Variants in BANP observed in about 807,000 individuals in gnomAD.
BANP encodes the protein BTG3 associated nuclear protein.
BANP carries 11 observed loss-of-function variants against 68.1 expected under a neutral mutation model. The ratio of observed to expected loss-of-function variants is 0.16; its 90% CI spans 0.10 to 0.27. The LOEUF is 0.27. Among genes scored for constraint, BANP ranks in the 10% least tolerant of loss-of-function variants. The pLI is 1.00. For missense variants in BANP, 504 were observed against 722.7 expected (o/e 0.70, Z 3.47); for synonymous variants, 329 against 303.2 (o/e 1.09, Z -0.88).
At chr16:88,031,657 A>C (rs146382794) in intron 8 of BANP, among the ~76,000 whole-genome samples, 2,005 of 152,014 alleles carry the variant, frequency 0.013, 43 homozygotes, top group African/African-American at 0.042. Flanking sequence ...TCAAAAAAAA[A>C]AAAAAAGAAA....
chr16:88,026,200 C>T (rs529111073), intron 7 of BANP, among the ~76,000 whole-genome samples: 6 of 152,300 alleles, frequency 3.9e-5, no homozygotes, highest in African/African-American at 1.2e-4. Flanking sequence ...GCACGGTGAG[C>T]CCCAGGAAGA....
chr16:88,007,912 C>T (rs893640228), intron 6 of BANP, among the ~76,000 whole-genome samples: 5 of 151,902 alleles, frequency 3.3e-5, no homozygotes, highest in Admixed American at 3.3e-4. Flanking sequence ...TGTTTTAAAG[C>T]ATACGTCTCA....
chr16:87,952,712 C>T (rs2057210718), intron 1 of BANP: 1 of 152,186 alleles, frequency 6.6e-6, no homozygotes, highest in Admixed American at 6.5e-5. Context: ...GTCCACTTCC[C>T]GTGTCTGGCG....
At chr16:88,066,174 A>G (rs551581141) in intron 12 of BANP, among the ~76,000 whole-genome samples, 1 of 152,138 alleles carries the variant, frequency 6.6e-6, no homozygotes, top group Admixed American at 6.5e-5. Flanking sequence ...GCCTTTCCTC[A>G]TGAAGGGGTC....
Position 88,015,007 on chromosome 16 carries a change from G to A in BANP, c.656-3421G>A, listed in dbSNP as rs148899294. The stretch of plus-strand genomic sequence containing the variant: ...AATCAGCTGCTTGCCCTCTCTGCCC[G>A]TCCCTCTGCCTGTGCCCCCTCAGCT... On this transcript the variant is annotated intron_variant, in intron 6 of 13. Transcript: ENST00000682872. Among the ~76,000 whole-genome samples the A allele has an allele frequency of 1.7e-3, 256 of 151,470 alleles. 2 individuals carry two copies. The highest frequency in any genetic ancestry group is 5.8e-3 in the African/African-American group (240 of 41,216).
chr16:88,067,060 G>A (rs953389985), intron 12 of BANP, among the ~76,000 whole-genome samples: 1 of 152,184 alleles, frequency 6.6e-6, no homozygotes, highest in African/African-American at 2.4e-5. Context: ...ATGCACACTC[G>A]CTCTCTTTTT....
intron 4 of BANP, among the ~76,000 whole-genome samples, chr16:87,998,246 A>T (rs1038979229): frequency 3.9e-5 from 6 of 152,218 alleles, no homozygotes; most frequent in Admixed American, 3.9e-4. Flanking sequence ...ACTAAAGCAT[A>T]GTAAGGACGT....
In BANP at chr16:88,024,374, C is replaced by T. The variant is rs1305496915; in HGVS notation, c.896-3109C>T. Among the ~76,000 whole-genome samples the T allele has an allele frequency of 3.9e-5, 6 of 152,160 alleles. No homozygotes were observed. The South Asian group carries it at 1.2e-3, about 32-fold the overall frequency. ...CCAAAGTGATGAGAGTAGTGACATT[C>T]CTACTTCATGAGGCTTTTAAAAAAA... is the stretch of plus-strand genomic sequence containing the variant. On this transcript the variant is annotated intron_variant, in intron 7 of 13. Transcript: ENST00000682872.
intron 2 of BANP, among the ~76,000 whole-genome samples, chr16:87,977,897 G>A (rs376718830): frequency 8.5e-5 from 13 of 152,068 alleles, no homozygotes; most frequent in African/African-American, 2.4e-4. Flanking sequence ...GTGCAGTGGC[G>A]TGATCTCAGC....
intron 1 of BANP, among the ~76,000 whole-genome samples, chr16:87,971,063 A>G (rs1405530730): frequency 6.6e-6 from 1 of 151,746 alleles, no homozygotes; most frequent in Admixed American, 6.6e-5. Context: ...CACTGAATGA[A>G]CATTGTAACA....
intron 6 of BANP, among the ~76,000 whole-genome samples, chr16:88,010,383 TGC>T (rs1223664368): frequency 2.0e-5 from 3 of 152,250 alleles, no homozygotes; most frequent in Non-Finnish European, 4.4e-5. Context: ...ATTGAATTAT[TGC>T]CAGGAATTGG....
chr16:88,023,108 G>T (rs1390473551), intron 7 of BANP, among the ~76,000 whole-genome samples: 1 of 152,210 alleles, frequency 6.6e-6, no homozygotes, highest in Non-Finnish European at 1.5e-5. Context: ...ACTCCATGCA[G>T]GGGTGGGTGT....
intron 2 of BANP, among the ~76,000 whole-genome samples, chr16:87,979,337 C>T (rs988584445): frequency 1.5e-4 from 23 of 152,122 alleles, no homozygotes; most frequent in African/African-American, 5.6e-4. Context: ...TCACCCACAT[C>T]GGTGGGCAGC....
chr16:88,014,292 T>C (rs1333365417), intron 6 of BANP, among the ~76,000 whole-genome samples: 5 of 152,144 alleles, frequency 3.3e-5, no homozygotes, highest in Non-Finnish European at 7.4e-5. Flanking sequence ...ATTTGCACAC[T>C]GGCCCTCAGT....
chr16:88,010,992 T>C (rs1293100521), intron 6 of BANP, among the ~76,000 whole-genome samples: 1 of 152,258 alleles, frequency 6.6e-6, no homozygotes, highest in Non-Finnish European at 1.5e-5. Context: ...GAAACATTTT[T>C]TCATGGCAGT....
In BANP at chr16:88,076,777, G is replaced by A; in HGVS notation, c.*116G>A. On this transcript the variant is annotated 3_prime_UTR_variant, in exon 14 of 14. Coordinates refer to ENST00000682872, the MANE Select transcript of BANP (RefSeq NM_001386991.1). ...GGCTGCACGTGTTCTGCTGAAGTGC[G>A]TCTGAAGGCCGCTGCCTCCGCGGGG... The A allele has an allele frequency of 8.4e-6, 7 of 830,674 alleles. No individual in the cohort carries two copies. The highest frequency in any genetic ancestry group is 3.6e-5 in the South Asian group (2 of 55,856). The allele number at this position is 830,674 out of a possible 1,614,324, so 51.5% of individuals were successfully genotyped here. A position where few individuals can be genotyped will look rare whatever the true frequency, so the allele number is the denominator to read the frequency against.
chr16:88,050,511 G>C (rs989605616), intron 11 of BANP, among the ~76,000 whole-genome samples: 5 of 152,094 alleles, frequency 3.3e-5, no homozygotes, highest in Non-Finnish European at 7.4e-5. Context: ...ACTTGTTAAT[G>C]GTTGTGTTGA....
intron 4 of BANP, among the ~76,000 whole-genome samples, chr16:87,985,965 A>G (rs563446147): frequency 1.3e-5 from 2 of 152,342 alleles, no homozygotes; most frequent in African/African-American, 4.8e-5. Flanking sequence ...CTGAGTTCAG[A>G]GAGTTAGAAG....
At chr16:87,958,320 G>C (rs1254242775) in intron 1 of BANP, among the ~76,000 whole-genome samples, 1 of 152,216 alleles carries the variant, frequency 6.6e-6, no homozygotes, top group African/African-American at 2.4e-5. Flanking sequence ...GGATAAAATG[G>C]AGCATGCCTT....
Sources: gnomAD v4.1 joint callset for allele counts (sites outside exome capture counted in the v4.1 genomes callset) on GRCh38, gnomAD v4.1.1 for gene constraint, MANE v1.5 for transcripts, NCBI Gene and HGNC (gene_info 2026-07-23, HGNC 2026-07-21) for gene names.